ZNF516: variants seen among roughly 807,000 people sequenced by gnomAD.
ZNF516 encodes zinc finger protein 516.
ZNF516 carries 19 observed loss-of-function variants against 79.7 expected under a neutral mutation model. The observed-to-expected ratio is 0.24, with a 90% CI of 0.17 to 0.35. The LOEUF (loss-of-function observed/expected upper bound fraction) is 0.35, where lower values mean the gene tolerates loss of function less well. ZNF516 is among the 10% of genes least tolerant of loss of function. The pLI is 1.00. For synonymous variants in ZNF516, 877 were observed against 739.5 expected (o/e 1.19, Z -3.02); for missense variants, 1,678 against 1,679.5 (o/e 1.00, Z 0.02).
At chr18:76,374,924 A>G (rs915990137) in intron 4 of ZNF516, among the ~76,000 whole-genome samples, 9 of 152,246 alleles carry the variant, frequency 5.9e-5, no homozygotes, top group African/African-American at 2.2e-4. Flanking sequence ...TGACCAAGGA[A>G]GGAATGAAAC....
Position 76,442,293 on chromosome 18 carries a change from G to C in ZNF516, c.762C>G (p.Gly254=). The C allele has an allele frequency of 3.1e-6, 5 of 1,612,806 alleles. No individual in the cohort carries two copies. Among genetic ancestry groups the C allele is most frequent in the Non-Finnish European group, 4.2e-6 (5 of 1,179,668 alleles). ...GGAACCAGGTCTGGCTGAAGGCCTG[G>C]CCACACACCTCGCACGGGAACTCCC... ...SPGEFPCEVC[G]QAFSQTWFLK... is the part of the protein sequence containing the mutation. Residue 254 remains glycine (G), a synonymous_variant, in exon 3 of 7, where the codon GGC becomes GGG. Transcript: ENST00000443185.
chr18:76,481,198 G>C (rs1040996930), intron 1 of ZNF516, among the ~76,000 whole-genome samples: 1 of 152,222 alleles, frequency 6.6e-6, no homozygotes, highest in Admixed American at 6.5e-5. Context: ...GATGGCTACA[G>C]CTGACCCAGA....
chr18:76,362,805 G>A (rs1599123119), intron 6 of ZNF516, among the ~76,000 whole-genome samples: 1 of 152,166 alleles, frequency 6.6e-6, no homozygotes. Context: ...ATCATTTCCA[G>A]TGTGATTTAG....
intron 3 of ZNF516, among the ~76,000 whole-genome samples, chr18:76,432,260 G>A (rs552346111): frequency 3.3e-5 from 5 of 152,276 alleles, no homozygotes; most frequent in East Asian, 1.9e-4. Flanking sequence ...CAGCACCATC[G>A]ATACCTGCTC....
At chr18:76,417,207 C>T (rs538342728) in intron 3 of ZNF516, among the ~76,000 whole-genome samples, 1 of 152,262 alleles carries the variant, frequency 6.6e-6, no homozygotes, top group African/African-American at 2.4e-5. Flanking sequence ...CCCTTATTCT[C>T]AACTTCAAAG....
chr18:76,429,040 G>A (rs146030780), intron 3 of ZNF516, among the ~76,000 whole-genome samples: 4 of 152,346 alleles, frequency 2.6e-5, no homozygotes, highest in Admixed American at 6.5e-5. Flanking sequence ...GCTGACCCCG[G>A]GGAAGTTGGG....
chr18:76,388,802 G>T (rs570047213), intron 3 of ZNF516: 1 of 152,206 alleles, frequency 6.6e-6, no homozygotes, highest in East Asian at 1.9e-4. Flanking sequence ...TGAGTTACTC[G>T]GCTCAGGGTT....
chr18:76,488,013 C>G, intron 1 of ZNF516: 2 of 985,408 alleles, frequency 2.0e-6, no homozygotes, highest in Non-Finnish European at 2.4e-6. Flanking sequence ...GTCGAACAAC[C>G]AAATAATCAC....
chr18:76,375,385 C>T (rs1358121426), intron 4 of ZNF516, among the ~76,000 whole-genome samples: 8 of 149,568 alleles, frequency 5.3e-5, no homozygotes, highest in East Asian at 2.0e-4. Flanking sequence ...AGAGAGTGGA[C>T]GTGAAGGCCC....
intron 3 of ZNF516, among the ~76,000 whole-genome samples, chr18:76,427,106 G>A (rs552894085): frequency 6.6e-6 from 1 of 152,316 alleles, no homozygotes; most frequent in South Asian, 2.1e-4. Context: ...CGGGAACACA[G>A]GGCAAGTTCC....
intron 2 of ZNF516, among the ~76,000 whole-genome samples, chr18:76,445,287 A>C (rs2145575468): frequency 6.6e-6 from 1 of 152,120 alleles, no homozygotes; most frequent in East Asian, 1.9e-4. Context: ...CAACATTAAA[A>C]CTTCCCCCAA....
chr18:76,409,384 C>T (rs1031971587), intron 3 of ZNF516, among the ~76,000 whole-genome samples: 4 of 152,012 alleles, frequency 2.6e-5, no homozygotes, highest in Non-Finnish European at 5.9e-5. Context: ...CTTAACCTGA[C>T]CTCCAAGAAC....
upstream of ZNF516, chr18:76,495,629 G>A (rs565906349): frequency 7.7e-6 from 6 of 774,248 alleles, no homozygotes; most frequent in South Asian, 1.8e-5. Flanking sequence ...CCTCGTCAAG[G>A]TCTAAGGCTG....
intron 2 of ZNF516, among the ~76,000 whole-genome samples, chr18:76,456,927 G>C (rs1250476809): frequency 2.0e-5 from 3 of 152,162 alleles, no homozygotes; most frequent in African/African-American, 7.2e-5. Flanking sequence ...ATATGCATCT[G>C]TTATATTGTG....
chr18:76,446,730 G>A (rs1169375424), intron 2 of ZNF516, among the ~76,000 whole-genome samples: 7 of 152,174 alleles, frequency 4.6e-5, no homozygotes, highest in Admixed American at 1.3e-4. Context: ...GATGCTCTGC[G>A]ATCAACAAAG....
At chr18:76,384,899 C>G (rs1378132779) in intron 3 of ZNF516, among the ~76,000 whole-genome samples, 1 of 152,222 alleles carries the variant, frequency 6.6e-6, no homozygotes, top group Non-Finnish European at 1.5e-5. Context: ...TGGCGTGGCC[C>G]TGCATAGATG....
At chr18:76,403,419 A>G (rs2075258301) in intron 3 of ZNF516, among the ~76,000 whole-genome samples, 1 of 152,204 alleles carries the variant, frequency 6.6e-6, no homozygotes, top group East Asian at 1.9e-4. Context: ...ACAACTGTAC[A>G]TGCACAGCCA....
intron 3 of ZNF516, among the ~76,000 whole-genome samples, chr18:76,383,608 A>C (rs1440976166): frequency 3.4e-5 from 5 of 147,430 alleles, no homozygotes; most frequent in African/African-American, 1.3e-4. Flanking sequence ...CCTTCTCGCC[A>C]GGGACCCAGG....
chr18:76,413,262 T>C (rs2145317419), intron 3 of ZNF516, among the ~76,000 whole-genome samples: 1 of 152,374 alleles, frequency 6.6e-6, no homozygotes, highest in South Asian at 2.1e-4. Flanking sequence ...GGAAGAACTT[T>C]AAGTAGAATT....
Sources: gnomAD v4.1 joint callset for allele counts (sites outside exome capture counted in the v4.1 genomes callset) on GRCh38, gnomAD v4.1.1 for gene constraint, MANE v1.5 for transcripts, NCBI Gene and HGNC (gene_info 2026-07-23, HGNC 2026-07-21) for gene names.